The following LDLRAD4 variants were observed in gnomAD, a reference collection of about 807,000 sequenced individuals.
LDLRAD4 encodes the protein low-density lipoprotein receptor class A domain-containing protein 4.
LDLRAD4 carries 5 observed loss-of-function variants against 17.0 expected under a neutral mutation model. The observed-to-expected ratio is 0.29, with a 90% CI of 0.15 to 0.62. The LOEUF (loss-of-function observed/expected upper bound fraction) is 0.62. Among genes scored for constraint, LDLRAD4 ranks in the 20% least tolerant of loss-of-function variants. The pLI, the probability that LDLRAD4 is intolerant of heterozygous loss-of-function variation, is 0.84. For synonymous variants in LDLRAD4, 168 were observed against 171.8 expected (o/e 0.98, Z 0.17); for missense variants, 340 against 424.7 (o/e 0.80, Z 1.75).
intron 1 of LDLRAD4, among the ~76,000 whole-genome samples, chr18:13,287,357 T>C (rs894749663): frequency 2.0e-5 from 3 of 152,220 alleles, no homozygotes; most frequent in Non-Finnish European, 4.4e-5. Context: ...TTCATGATTT[T>C]TCAAAAAACA....
chr18:13,415,394 A>G (rs995267023), intron 2 of LDLRAD4, among the ~76,000 whole-genome samples: 1 of 151,412 alleles, frequency 6.6e-6, no homozygotes, highest in Non-Finnish European at 1.5e-5. Flanking sequence ...TATAGCACAT[A>G]GTGCGCCTGA....
At chr18:13,286,889 G>A (rs750939373) in intron 1 of LDLRAD4, among the ~76,000 whole-genome samples, 14 of 152,218 alleles carry the variant, frequency 9.2e-5, no homozygotes, top group Non-Finnish European at 1.5e-4. Flanking sequence ...GCTGGAATGT[G>A]CAGGGCAGGT....
At chr18:13,328,091 G>A (rs1273597246) in intron 1 of LDLRAD4, among the ~76,000 whole-genome samples, 1 of 152,142 alleles carries the variant, frequency 6.6e-6, no homozygotes, top group Non-Finnish European at 1.5e-5. Flanking sequence ...ACGGCCTGAT[G>A]CTGTCCCTCC....
chr18:13,645,718 CCCTCCTG>C lies in LDLRAD4; in HGVS notation c.*63_*69del, dbSNP rs2042989629. ...CCAAGAAGGGAAGCGGCCGCTGGGC[CCCTCCTG>C]CGCACAGTGTTGTTCAGTTTCACAT... On this transcript the variant is annotated 3_prime_UTR_variant, in exon 6 of 6. Coordinates refer to ENST00000359446, the Ensembl canonical transcript of LDLRAD4. This position sits in a 1 kb window ranked among gnomAD's most constrained non-coding sequence, Gnocchi z 5.7. The C allele has an allele frequency of 3.0e-6, 4 of 1,315,698 alleles. No individual in the cohort carries two copies. The Admixed American group carries it at 9.7e-5, about 32-fold the overall frequency. The allele number at this position is 1,315,698 out of a possible 1,614,324, so 81.5% of individuals were successfully genotyped here.
intron 1 of LDLRAD4, among the ~76,000 whole-genome samples, chr18:13,345,454 CT>C (rs2082624349): frequency 6.6e-6 from 1 of 152,148 alleles, no homozygotes; most frequent in African/African-American, 2.4e-5. Context: ...GGTGGATAAA[CT>C]TTTTGATGTG....
At chr18:13,415,761 C>T (rs987182111) in intron 2 of LDLRAD4, among the ~76,000 whole-genome samples, 2 of 152,234 alleles carry the variant, frequency 1.3e-5, no homozygotes, top group African/African-American at 4.8e-5. Flanking sequence ...AAAGCCAGGG[C>T]CTGGAGCCAG....
At chr18:13,308,220 G>T (rs993936568) in intron 1 of LDLRAD4, among the ~76,000 whole-genome samples, 1 of 151,876 alleles carries the variant, frequency 6.6e-6, no homozygotes, top group South Asian at 2.1e-4. Context: ...TGTCCCACCC[G>T]CCGCCCCACA....
intron 3 of LDLRAD4, among the ~76,000 whole-genome samples, chr18:13,547,316 C>T (rs1200456918): frequency 2.0e-5 from 3 of 152,224 alleles, no homozygotes; most frequent in Non-Finnish European, 4.4e-5. Flanking sequence ...GCACAAGCTA[C>T]TTGAGAGTAA....
intron 2 of LDLRAD4, among the ~76,000 whole-genome samples, chr18:13,437,032 G>A (rs897071977): frequency 6.6e-6 from 1 of 152,234 alleles, no homozygotes; most frequent in Admixed American, 6.5e-5. Flanking sequence ...ACAGTTCGCC[G>A]CTGAGAGGCA....
intron 1 of LDLRAD4, among the ~76,000 whole-genome samples, chr18:13,324,039 T>C (rs554560944): frequency 3.3e-5 from 5 of 151,878 alleles, no homozygotes; most frequent in African/African-American, 1.2e-4. Flanking sequence ...CACTCCATCC[T>C]GGGCAAGAGT....
chr18:13,238,964 T>A (rs1339135293), intron 1 of LDLRAD4, among the ~76,000 whole-genome samples: 2 of 151,944 alleles, frequency 1.3e-5, no homozygotes, highest in African/African-American at 2.4e-5. Context: ...GGTGGGCGGA[T>A]CACCTGAGGT....
chr18:13,319,092 C>T (rs1296717082), intron 1 of LDLRAD4, among the ~76,000 whole-genome samples: 1 of 152,214 alleles, frequency 6.6e-6, no homozygotes, highest in African/African-American at 2.4e-5. Context: ...TTTTTAAATG[C>T]TGCTGCAGCT....
At chr18:13,543,924 C>A (rs2094321933) in intron 3 of LDLRAD4, among the ~76,000 whole-genome samples, 1 of 152,230 alleles carries the variant, frequency 6.6e-6, no homozygotes, top group Non-Finnish European at 1.5e-5. Context: ...GGGAAACCAG[C>A]ACAGACTCTG....
At chr18:13,291,165 G>A (rs551603237) in intron 1 of LDLRAD4, among the ~76,000 whole-genome samples, 116 of 152,222 alleles carry the variant, frequency 7.6e-4, no homozygotes, top group Non-Finnish European at 1.4e-3. Flanking sequence ...ACACATCCAC[G>A]CCGCCTCTCC....
intron 3 of LDLRAD4, among the ~76,000 whole-genome samples, chr18:13,511,570 T>C (rs2093779695): frequency 6.6e-6 from 1 of 152,216 alleles, no homozygotes; most frequent in Admixed American, 6.5e-5. Flanking sequence ...ATGGGCATAT[T>C]CTTTGAAAAT....
Position 13,505,094 on chromosome 18 carries a change from A to G in LDLRAD4, c.181+66710A>G, listed in dbSNP as rs572644242. 2.0e-5 allele frequency among the ~76,000 whole-genome samples: 3 copies of G among 152,330 alleles called. No individual in the cohort carries two copies. In the South Asian group the frequency reaches 6.2e-4, roughly 32 times the overall value. On this transcript the variant is annotated intron_variant, in intron 3 of 5. Coordinates refer to ENST00000359446, the Ensembl canonical transcript of LDLRAD4. ...TCCCTGGCATGCTGTGGGGGCTCTA[A>G]GAGATGGTGATTCCTTCTGAATAAG...
At chr18:13,264,972 C>T (rs142406225) in intron 1 of LDLRAD4, among the ~76,000 whole-genome samples, 49 of 152,180 alleles carry the variant, frequency 3.2e-4, no homozygotes, top group African/African-American at 1.1e-3. Flanking sequence ...AGAGCTCTCT[C>T]TTTTCTTTTA....
chr18:13,573,686 T>C (rs2094725173), intron 3 of LDLRAD4, among the ~76,000 whole-genome samples: 2 of 152,244 alleles, frequency 1.3e-5, no homozygotes, highest in Non-Finnish European at 2.9e-5. Flanking sequence ...CAACAAGCAT[T>C]GGACTAGAAT....
chr18:13,311,589 G>T (rs866053767), intron 1 of LDLRAD4, among the ~76,000 whole-genome samples: 1 of 152,172 alleles, frequency 6.6e-6, no homozygotes, highest in African/African-American at 2.4e-5. Flanking sequence ...GGGATATTTC[G>T]TAGAGGTCTT....
Sources: allele counts gnomAD v4.1 joint callset (sites outside exome capture counted in the v4.1 genomes callset), GRCh38; gene constraint gnomAD v4.1.1; non-coding constraint Gnocchi (gnomAD v3.1); transcripts MANE v1.5; gene names NCBI Gene and HGNC (gene_info 2026-07-23, HGNC 2026-07-21).